Variants in ZCWPW2 observed in about 807,000 individuals in gnomAD.
ZCWPW2 encodes the protein zinc finger CW-type PWWP domain protein 2.
Under a neutral mutation model 46.6 loss-of-function variants are expected in ZCWPW2, and 45 were observed. That is an observed-to-expected ratio of 0.96 (90% CI 0.76 to 1.24). The LOEUF (loss-of-function observed/expected upper bound fraction) is 1.24, where lower values mean the gene tolerates loss of function less well. Ranked by LOEUF, ZCWPW2 falls within the 50% of genes most tolerant of loss-of-function variation. The pLI is 0.00. For missense variants in ZCWPW2, 429 were observed against 403.9 expected (o/e 1.06, Z -0.53); for synonymous variants, 152 against 137.1 (o/e 1.11, Z -0.76).
intron 4 of ZCWPW2, among the ~76,000 whole-genome samples, chr3:28,443,740 T>C (rs1697864155): frequency 6.6e-6 from 1 of 152,190 alleles, no homozygotes; most frequent in Non-Finnish European, 1.5e-5. Context: ...GTAACTGTGG[T>C]TCCCACTGTT....
In ZCWPW2 at chr3:28,515,738, T is replaced by A. The variant is rs572383400; in HGVS notation, c.784+117T>A. 16 of 798,702 alleles carry A rather than the reference T, an allele frequency of 2.0e-5. No homozygotes were observed. The African/African-American group carries it at 2.8e-4, about 14-fold the overall frequency. The allele number at this position is 798,702 out of a possible 1,614,324, so 49.5% of individuals were successfully genotyped here. A position where few individuals can be genotyped will look rare whatever the true frequency, so the allele number is the denominator to read the frequency against. ...TCCTGTGTGTGTGTGTGTGTGTGTGTGTGTGTGTATACACATATATACATG... is the reference window on the plus strand; with the variant it reads ...TCCTGTGTGTGTGTGTGTGTGTGTGAGTGTGTGTATACACATATATACATG... On this transcript the variant is annotated intron_variant, in intron 8 of 9. Coordinates refer to ENST00000383768, the MANE Select transcript of ZCWPW2 (RefSeq NM_001040432.4).
intron 1 of ZCWPW2, among the ~76,000 whole-genome samples, chr3:28,367,394 C>T (rs1284001541): frequency 5.3e-5 from 8 of 152,178 alleles, no homozygotes; most frequent in South Asian, 2.1e-4. Flanking sequence ...GCCTTCATTT[C>T]GTTATGTACC....
chr3:28,396,763 C>T (rs1410050486), intron 2 of ZCWPW2, among the ~76,000 whole-genome samples: 2 of 152,164 alleles, frequency 1.3e-5, no homozygotes, highest in Non-Finnish European at 2.9e-5. Flanking sequence ...AACAATAAAA[C>T]CAATTTCTAT....
At chr3:28,379,754 TA>T (rs1256450539) in intron 1 of ZCWPW2, among the ~76,000 whole-genome samples, 3 of 151,964 alleles carry the variant, frequency 2.0e-5, no homozygotes, top group Admixed American at 2.0e-4. Flanking sequence ...ATAAAGTTGT[TA>T]AATAAAAAAA....
intron 6 of ZCWPW2, among the ~76,000 whole-genome samples, chr3:28,496,906 A>G (rs1700005162): frequency 6.6e-6 from 1 of 151,446 alleles, no homozygotes; most frequent in Non-Finnish European, 1.5e-5. Flanking sequence ...GATAAAAAGT[A>G]AGTAACTGCT....
intron 4 of ZCWPW2, among the ~76,000 whole-genome samples, chr3:28,473,891 CAG>C (rs1422732878): frequency 6.6e-6 from 1 of 151,964 alleles, no homozygotes; most frequent in Non-Finnish European, 1.5e-5. Context: ...AATGGAGTGT[CAG>C]GGGGATGTGG....
intron 1 of ZCWPW2, among the ~76,000 whole-genome samples, chr3:28,380,428 A>G (rs1430956691): frequency 6.6e-6 from 1 of 152,192 alleles, no homozygotes; most frequent in East Asian, 1.9e-4. Flanking sequence ...ACAAACAAAC[A>G]GAAACAACTA....
chr3:28,483,338 G>A (rs1001722338), intron 5 of ZCWPW2, among the ~76,000 whole-genome samples: 1 of 152,008 alleles, frequency 6.6e-6, no homozygotes, highest in Non-Finnish European at 1.5e-5. Flanking sequence ...CTGTTCTGTT[G>A]ATCTATTTGT....
At chr3:28,410,698 G>A (rs1289011132) in intron 2 of ZCWPW2, among the ~76,000 whole-genome samples, 1 of 151,998 alleles carries the variant, frequency 6.6e-6, no homozygotes, top group South Asian at 2.1e-4. Flanking sequence ...TATTAGAAAA[G>A]ACTGCAAATG....
intron 4 of ZCWPW2, among the ~76,000 whole-genome samples, chr3:28,455,506 A>G (rs1325847272): frequency 6.6e-6 from 1 of 150,484 alleles, no homozygotes; most frequent in African/African-American, 2.4e-5. Context: ...CCATTTGTCA[A>G]TTTTTGCTTT....
At chr3:28,389,455 A>C (rs1006058261) in intron 1 of ZCWPW2, among the ~76,000 whole-genome samples, 2 of 152,174 alleles carry the variant, frequency 1.3e-5, no homozygotes, top group East Asian at 3.9e-4. Context: ...CTTGGCTTTT[A>C]TAAGTGCTTA....
intron 1 of ZCWPW2, among the ~76,000 whole-genome samples, chr3:28,386,899 T>C (rs1695293799): frequency 6.6e-6 from 1 of 152,168 alleles, no homozygotes. Context: ...CTGCTTACTT[T>C]AGTTTTTCTC....
intron 3 of ZCWPW2, among the ~76,000 whole-genome samples, chr3:28,422,424 C>A (rs1461604772): frequency 6.6e-6 from 1 of 152,152 alleles, no homozygotes; most frequent in Non-Finnish European, 1.5e-5. Context: ...TTTCTACCGT[C>A]TTCATAGTAT....
At chr3:28,401,855 T>C (rs1022844512) in intron 2 of ZCWPW2, among the ~76,000 whole-genome samples, 3 of 151,810 alleles carry the variant, frequency 2.0e-5, no homozygotes, top group African/African-American at 4.8e-5. Flanking sequence ...AGATGGAAAT[T>C]TAAAAATTCT....
intron 2 of ZCWPW2, among the ~76,000 whole-genome samples, chr3:28,399,971 T>C (rs1395305896): frequency 6.6e-6 from 1 of 152,050 alleles, no homozygotes; most frequent in South Asian, 2.1e-4. Flanking sequence ...AGGTTAGTTA[T>C]TAAGCTAATC....
At chr3:28,424,670 CTGTGGTATTT>C (rs1223092994) in intron 3 of ZCWPW2, among the ~76,000 whole-genome samples, 1 of 152,150 alleles carries the variant, frequency 6.6e-6, no homozygotes, top group Non-Finnish European at 1.5e-5. Flanking sequence ...GCCACCCAGT[CTGTGGTATTT>C]TGTTATGGTA....
chr3:28,435,511 A>C (rs2125763958), intron 4 of ZCWPW2, among the ~76,000 whole-genome samples: 1 of 141,734 alleles, frequency 7.1e-6, no homozygotes, highest in East Asian at 2.1e-4. Context: ...TTGGAGACAG[A>C]GTCTCGCTCT....
At chr3:28,498,748 C>T (rs1274026334) in intron 6 of ZCWPW2, among the ~76,000 whole-genome samples, 5 of 151,816 alleles carry the variant, frequency 3.3e-5, no homozygotes, top group Non-Finnish European at 7.4e-5. Context: ...TTGCTGCACC[C>T]ATCAACCCGT....
intron 2 of ZCWPW2, chr3:28,397,992 T>C (rs1695774043): frequency 6.6e-6 from 1 of 152,230 alleles, no homozygotes; most frequent in African/African-American, 2.4e-5. Flanking sequence ...AATTATTCTG[T>C]TTCTGTTTTC....
Sources: gnomAD v4.1 joint callset for allele counts (sites outside exome capture counted in the v4.1 genomes callset) on GRCh38, gnomAD v4.1.1 for gene constraint, MANE v1.5 for transcripts, NCBI Gene and HGNC (gene_info 2026-07-23, HGNC 2026-07-21) for gene names.